The following ANO4 variants were observed in gnomAD, a reference collection of about 807,000 sequenced individuals.
The protein encoded by ANO4 is anoctamin 4, also known as anoctamin-4.
Under a neutral mutation model 141.9 loss-of-function variants are expected in ANO4, and 69 were observed. That is an observed-to-expected ratio of 0.49 (90% CI 0.40 to 0.59). The LOEUF is 0.59. ANO4 is among the 20% of genes least tolerant of loss of function. The pLI is 0.00. For missense variants in ANO4, 894 were observed against 1,162.2 expected (o/e 0.77, Z 3.36); for synonymous variants, 350 against 394.3 (o/e 0.89, Z 1.33).
At chr12:101,048,061 C>T (rs1274542942) in intron 13 of ANO4, 5 of 1,190,358 alleles carry the variant, frequency 4.2e-6, no homozygotes, top group Non-Finnish European at 5.3e-6. Flanking sequence ...TTGTTGTGCA[C>T]AAAAGGGGAT....
intron 1 of ANO4, among the ~76,000 whole-genome samples, chr12:100,800,054 T>C (rs78566749): frequency 0.014 from 2,141 of 152,306 alleles, 57 homozygotes; most frequent in African/African-American, 0.049. Flanking sequence ...GTGAGTCATA[T>C]CAAGCAAATG....
At chr12:101,051,138 A>C (rs1435744174) in intron 14 of ANO4, among the ~76,000 whole-genome samples, 1 of 152,216 alleles carries the variant, frequency 6.6e-6, no homozygotes, top group Non-Finnish European at 1.5e-5. Context: ...CCATTATAAA[A>C]TGGATTGCAT....
chr12:100,943,612 G>A (rs917362207), intron 5 of ANO4, among the ~76,000 whole-genome samples: 3 of 152,184 alleles, frequency 2.0e-5, no homozygotes, highest in Non-Finnish European at 4.4e-5. Flanking sequence ...AAAATGGTGA[G>A]ATGAATGTGG....
At chr12:100,897,583 T>C (rs1411595703) in intron 1 of ANO4, among the ~76,000 whole-genome samples, 1 of 152,196 alleles carries the variant, frequency 6.6e-6, no homozygotes, top group Admixed American at 6.5e-5. Context: ...AACTGCACAA[T>C]ATGACCTTTG....
rs1330243712 is a variant in ANO4 at position 100,730,983 on chromosome 12, C to A, written c.23-2791C>A. Among the ~76,000 whole-genome samples, 9 of 152,220 alleles carry A rather than the reference C, an allele frequency of 5.9e-5. No homozygotes were observed. The South Asian group carries it at 8.3e-4, about 14-fold the overall frequency. ...CAAACCAAGGGCACCTATAGAAAAC[C>A]CCTTAAAGATGACTCCTATTTCCTG... On this transcript the variant is annotated intron_variant, in intron 1 of 29. Transcript: ENST00000644049.
intron 3 of ANO4, among the ~76,000 whole-genome samples, chr12:100,758,338 T>C (rs2032704855): frequency 6.6e-6 from 1 of 152,184 alleles, no homozygotes; most frequent in Non-Finnish European, 1.5e-5. Flanking sequence ...ATGGGCACCT[T>C]CTTTCTGTAC....
rs1555266336 is a variant in ANO4, at chr12:100,975,955, A to AAAAAAAAC, written c.602+1066_602+1067insAAAAAAAC. 1.6e-5 allele frequency among the ~76,000 whole-genome samples: 2 copies of AAAAAAAAC among 124,624 alleles called. 1 individual carries two copies. The highest frequency in any genetic ancestry group is 5.4e-4 in the South Asian group (2 of 3,686). 81.8% of individuals were successfully genotyped at this position (124,624 alleles called of 152,430 possible). A position where few individuals can be genotyped will look rare whatever the true frequency, so the allele number is the denominator to read the frequency against. ...CCAAAAAAAAAAAAAGAAAAAAAAA[A>AAAAAAAAC]CCCACCAGATGAAGATTGCATCTAC... On this transcript the variant is annotated intron_variant, in intron 7 of 27. Coordinates refer to ENST00000392977, the MANE Select transcript of ANO4 (RefSeq NM_001286615.2).
intron 3 of ANO4, among the ~76,000 whole-genome samples, chr12:100,748,114 T>C (rs1249059653): frequency 6.6e-6 from 1 of 152,180 alleles, no homozygotes; most frequent in Non-Finnish European, 1.5e-5. Flanking sequence ...ACTCCATATA[T>C]GCAAGCTCTG....
intron 1 of ANO4, among the ~76,000 whole-genome samples, chr12:100,812,428 G>A (rs1252174055): frequency 6.6e-6 from 1 of 152,082 alleles, no homozygotes; most frequent in Non-Finnish European, 1.5e-5. Flanking sequence ...TGTAGAGGCA[G>A]CATGAGATTA....
chr12:100,786,101 C>T (rs1193566080), intron 3 of ANO4, among the ~76,000 whole-genome samples: 8 of 152,160 alleles, frequency 5.3e-5, no homozygotes, highest in African/African-American at 1.7e-4. Flanking sequence ...TAGCTAATCA[C>T]TCCTGTAGCA....
intron 3 of ANO4, among the ~76,000 whole-genome samples, chr12:100,933,971 G>A (rs1445818159): frequency 6.6e-6 from 1 of 151,932 alleles, no homozygotes; most frequent in Admixed American, 6.6e-5. Context: ...AAATTTGTTT[G>A]AATTCTTTCT....
chr12:101,038,602 A>G (rs545658062), intron 10 of ANO4: 1 of 152,310 alleles, frequency 6.6e-6, no homozygotes, highest in African/African-American at 2.4e-5. Context: ...ACTTGATTAT[A>G]TTATTTAACC....
At chr12:100,864,756 T>G (rs1248263353) in intron 1 of ANO4, among the ~76,000 whole-genome samples, 1 of 152,190 alleles carries the variant, frequency 6.6e-6, no homozygotes, top group African/African-American at 2.4e-5. Flanking sequence ...TACATAGATA[T>G]ACATGCGCCA....
At chr12:101,095,852 G>A (rs2049961503) in intron 18 of ANO4, among the ~76,000 whole-genome samples, 1 of 152,208 alleles carries the variant, frequency 6.6e-6, no homozygotes, top group African/African-American at 2.4e-5. Flanking sequence ...TCCATGTTTT[G>A]GTTCACACCA....
At chr12:100,833,929 C>A (rs576717086) in intron 1 of ANO4, among the ~76,000 whole-genome samples, 1 of 152,166 alleles carries the variant, frequency 6.6e-6, no homozygotes, top group South Asian at 2.1e-4. Context: ...TTTTCTTTTT[C>A]ATGTTGTATC....
At chr12:100,873,046 C>T (rs947238075) in intron 1 of ANO4, among the ~76,000 whole-genome samples, 1 of 152,176 alleles carries the variant, frequency 6.6e-6, no homozygotes, top group Non-Finnish European at 1.5e-5. Context: ...AAGACCATGC[C>T]TGCTTCCCTT....
chr12:101,095,143 CAA>C lies in ANO4; in HGVS notation c.1738+854_1738+855del, dbSNP rs201665137. On this transcript the variant is annotated intron_variant, in intron 18 of 27. Transcript: ENST00000392977. ...GCTTGTCCAGAGGAGAAAAAACTCA[CAA>C]AAGTGTTCCTATTTTTATTCATCAT... Among the ~76,000 whole-genome samples the C allele has an allele frequency of 4.8e-3, 729 of 152,304 alleles. 4 individuals are homozygous for C. The highest frequency in any genetic ancestry group is 0.014 in the African/African-American group (571 of 41,574).
At chr12:100,903,319 C>A (rs1264613934) in intron 2 of ANO4, among the ~76,000 whole-genome samples, 1 of 152,174 alleles carries the variant, frequency 6.6e-6, no homozygotes, top group Non-Finnish European at 1.5e-5. Context: ...TCGCATGTAA[C>A]TTTCCTGGTT....
chr12:100,987,690 G>A lies in ANO4; in HGVS notation c.734+20G>A, dbSNP rs952484391. On this transcript the variant is annotated intron_variant, in intron 8 of 27. Coordinates refer to ENST00000392977, the MANE Select transcript of ANO4 (RefSeq NM_001286615.2). Reference sequence around the variant, plus strand: ...CCATCAGTGAGTGTTCCATGTTAAAGCCCCATCTCACTAAGGATGTGCAGC... The same window carrying A: ...CCATCAGTGAGTGTTCCATGTTAAAACCCCATCTCACTAAGGATGTGCAGC... 1.9e-6 allele frequency: 3 copies of A among 1,612,482 alleles called. No homozygotes were observed. Among genetic ancestry groups the A allele is most frequent in the Non-Finnish European group, 2.5e-6 (3 of 1,179,502 alleles).
Sources: allele counts gnomAD v4.1 joint callset (sites outside exome capture counted in the v4.1 genomes callset), GRCh38; gene constraint gnomAD v4.1.1; transcripts MANE v1.5; gene names NCBI Gene and HGNC (gene_info 2026-07-23, HGNC 2026-07-21).